Variants in AQR observed in about 807,000 individuals in gnomAD.
AQR encodes aquarius intron-binding spliceosomal factor, also known as RNA helicase aquarius.
Under a neutral mutation model 180.5 loss-of-function variants are expected in AQR, and 61 were observed. That is an observed-to-expected ratio of 0.34 (90% CI 0.28 to 0.42). AQR has a LOEUF of 0.42. AQR is among the 10% of genes least tolerant of loss of function. The probability of loss-of-function intolerance (pLI) is 1.00; values close to 1 mark genes in which losing one functional copy is unlikely to be tolerated. For synonymous variants in AQR, 551 were observed against 588.8 expected (o/e 0.94, Z 0.93); for missense variants, 1,281 against 1,798.3 (o/e 0.71, Z 5.20).
At chr15:34,920,753 T>C (rs1893671120) in intron 13 of AQR, among the ~76,000 whole-genome samples, 1 of 152,060 alleles carries the variant, frequency 6.6e-6, no homozygotes, top group Non-Finnish European at 1.5e-5. Flanking sequence ...GGTCAGGAGA[T>C]CGAGACTATG....
In AQR at chr15:34,886,622, T is replaced by C; in HGVS notation, c.2721A>G (p.Glu907=). The C allele has an allele frequency of 1.2e-6, 2 of 1,613,902 alleles. No homozygotes were observed. Among genetic ancestry groups the C allele is most frequent in the Non-Finnish European group, 8.5e-7 (1 of 1,179,976 alleles). The stretch of plus-strand genomic sequence containing the variant: ...GCAATCGTTTGACTTCTTCTAAAAG[T>C]TCTATTCTTCGAGCCAGAACATAAT... ...RVNYVLARRI[E]LLEEVKRLQK... The change falls in exon 25 of 35, where the codon GAA becomes GAG. Residue 907 remains glutamate (E), a synonymous_variant. Coordinates refer to ENST00000156471, the MANE Select transcript of AQR (RefSeq NM_014691.3).
At chr15:34,896,803 C>T (rs1328313317) in intron 22 of AQR, 94 bp downstream of exon 22, 10 of 1,058,598 alleles carry the variant, frequency 9.4e-6, no homozygotes, top group African/African-American at 6.3e-5. Flanking sequence ...GAGCTGAGAT[C>T]GCGCCACTGC....
intron 13 of AQR, among the ~76,000 whole-genome samples, chr15:34,924,567 G>A (rs1437608161): frequency 3.3e-5 from 5 of 152,016 alleles, no homozygotes; most frequent in African/African-American, 1.2e-4. Flanking sequence ...AAGTAGCTGG[G>A]ATTACAGGCG....
intron 22 of AQR, among the ~76,000 whole-genome samples, chr15:34,895,551 G>A (rs937601468): frequency 1.3e-5 from 2 of 151,834 alleles, no homozygotes; most frequent in African/African-American, 2.4e-5. Flanking sequence ...CTGCAGTAAC[G>A]ATATTAATAT....
rs1404410042 is a variant in AQR at position 34,884,390 on chromosome 15, G to A, written c.3027+135C>T. 3.6e-5 allele frequency: 27 copies of A among 753,464 alleles called. 1 individual carries two copies. The highest frequency in any genetic ancestry group is 2.0e-4 in the African/African-American group (11 of 54,394). 46.7% of individuals were successfully genotyped at this position (753,464 alleles called of 1,614,324 possible). ...CACTGCACTCCAGCCTGGGCAACAG[G>A]GCAAGACTCCGTCTCAAAAAAAAAC... On this transcript the variant is annotated intron_variant, in intron 26 of 34. Transcript: ENST00000156471.
rs1017076033 is a variant in AQR at position 34,860,199 on chromosome 15, C to T, written c.4030-44G>A. On this transcript the variant is annotated intron_variant, in intron 33 of 34. Coordinates refer to ENST00000156471, the MANE Select transcript of AQR (RefSeq NM_014691.3). ...AACGTTAAGTATCTAGTAAAACAAC[C>T]CTAGAAGGTAACACTTCAACATAAA... is the stretch of plus-strand genomic sequence containing the variant. The T allele has an allele frequency of 5.8e-6, 6 of 1,026,358 alleles. No homozygotes were observed. The African/African-American group carries it at 6.5e-5, about 11-fold the overall frequency. The allele number at this position is 1,026,358 out of a possible 1,614,324, so 63.6% of individuals were successfully genotyped here.
intron 25 of AQR, 30 bp from the exon 26 acceptor site, chr15:34,884,764 C>T (rs1352364997): frequency 6.7e-7 from 1 of 1,490,774 alleles, no homozygotes; most frequent in Non-Finnish European, 9.2e-7. Flanking sequence ...AAGTTAACTG[C>T]CAGCTAATTA....
At chr15:34,898,587 A>G (rs1595790503) in intron 20 of AQR, among the ~76,000 whole-genome samples, 1 of 152,194 alleles carries the variant, frequency 6.6e-6, no homozygotes, top group Admixed American at 6.5e-5. Flanking sequence ...CAAATGGCAC[A>G]TGAAAAAACT....
chr15:34,910,867 ATACTT>A (rs1368778695), intron 16 of AQR, among the ~76,000 whole-genome samples: 4 of 152,190 alleles, frequency 2.6e-5, no homozygotes. Context: ...TATAGTCACT[ATACTT>A]TACATTAGAT....
At position 34,855,411 on chromosome 15, in the gene AQR, A is replaced by G. The variant is rs983323171; in HGVS notation, c.*1381T>C. The G allele has an allele frequency of 1.3e-5, 2 of 152,250 alleles. No homozygotes were observed. Among genetic ancestry groups the G allele is most frequent in the African/African-American group, 4.8e-5 (2 of 41,472 alleles). The allele number at this position is 152,250 out of a possible 1,614,324, so 9.4% of individuals were successfully genotyped here. The stretch of plus-strand genomic sequence containing the variant: ...GGCCAGGCCCATAGGTGGATGCACT[A>G]GAGGAGACATTCTGGGGTAAATGCT... On this transcript the variant is annotated 3_prime_UTR_variant, in exon 35 of 35. Coordinates refer to ENST00000156471, the MANE Select transcript of AQR (RefSeq NM_014691.3).
chr15:34,968,580 G>C (rs1431441634), intron 1 of AQR, among the ~76,000 whole-genome samples: 1 of 152,176 alleles, frequency 6.6e-6, no homozygotes, highest in East Asian at 1.9e-4. Context: ...TTTTAAGAAG[G>C]CAAGTGATAT....
chr15:34,930,387 TACATGTATAAATC>T lies in AQR; in HGVS notation c.901-29_901-17del, dbSNP rs758282991. The stretch of plus-strand genomic sequence containing the variant: ...TGTCCAAAAGCTGAAGAAACACATT[TACATGTATAAATC>T]ATATGAACATAAGGGCAAGAAAGCA... On this transcript the variant is annotated splice_polypyrimidine_tract_variant and intron_variant, in intron 11 of 34. Coordinates refer to ENST00000156471, the MANE Select transcript of AQR (RefSeq NM_014691.3). 2.2e-6 allele frequency: 3 copies of T among 1,383,146 alleles called. No individual in the cohort carries two copies. The South Asian group carries it at 3.5e-5, about 16-fold the overall frequency. 85.7% of individuals were successfully genotyped at this position (1,383,146 alleles called of 1,614,324 possible).
chr15:34,922,710 C>A (rs187916890), intron 13 of AQR, among the ~76,000 whole-genome samples: 176 of 152,106 alleles, frequency 1.2e-3, no homozygotes, highest in Admixed American at 1.8e-3. Context: ...TGTGCCACCA[C>A]GCCTGGCTAA....
At chr15:34,958,135 G>C (rs2140506827) in intron 3 of AQR, among the ~76,000 whole-genome samples, 1 of 152,264 alleles carries the variant, frequency 6.6e-6, no homozygotes, top group Non-Finnish European at 1.5e-5. Flanking sequence ...GTGGACCCGG[G>C]AGGCAGAGCT....
intron 33 of AQR, 75 bp downstream of exon 33, chr15:34,862,792 T>C: frequency 6.8e-7 from 1 of 1,468,804 alleles, no homozygotes. Flanking sequence ...TCCAAGCTAA[T>C]GTGGTCACCT....
chr15:34,879,254 C>T (rs1892932763), intron 27 of AQR, among the ~76,000 whole-genome samples: 1 of 152,194 alleles, frequency 6.6e-6, no homozygotes, highest in South Asian at 2.1e-4. Flanking sequence ...AAACAACTTG[C>T]TGCAAAGCTG....
At chr15:34,965,853 T>A (rs1243398452) in intron 1 of AQR, among the ~76,000 whole-genome samples, 3 of 152,192 alleles carry the variant, frequency 2.0e-5, no homozygotes, top group Non-Finnish European at 4.4e-5. Flanking sequence ...GAGTCTAACC[T>A]GTTATGATGG....
chr15:34,896,791 G>A (rs1326163582), intron 22 of AQR, 106 bp downstream of exon 22: 2 of 934,010 alleles, frequency 2.1e-6, no homozygotes, highest in Non-Finnish European at 3.4e-6. Context: ...AGAGGCTGCA[G>A]TGAGCTGAGA....
chr15:34,864,093 G>A (rs533391920), intron 32 of AQR, among the ~76,000 whole-genome samples: 2 of 152,200 alleles, frequency 1.3e-5, no homozygotes, highest in South Asian at 4.2e-4. Context: ...CCAGGAATTG[G>A]AATATTTATC....
Sources: allele counts gnomAD v4.1 joint callset (sites outside exome capture counted in the v4.1 genomes callset), GRCh38; gene constraint gnomAD v4.1.1; transcripts MANE v1.5; gene names NCBI Gene and HGNC (gene_info 2026-07-23, HGNC 2026-07-21).